The following PPP6R3 variants were observed in gnomAD, a reference collection of about 807,000 sequenced individuals.
The protein encoded by PPP6R3 is serine/threonine-protein phosphatase 6 regulatory subunit 3.
In PPP6R3, 38 loss-of-function variants were observed where a neutral mutation model predicts 110.7. The observed-to-expected ratio is 0.34, with a 90% CI of 0.26 to 0.45. The LOEUF (loss-of-function observed/expected upper bound fraction) is 0.45, where lower values mean the gene tolerates loss of function less well. PPP6R3 is among the 20% of genes least tolerant of loss of function. PPP6R3 has a pLI of 1.00. For synonymous variants in PPP6R3, 369 were observed against 373.5 expected (o/e 0.99, Z 0.14); for missense variants, 870 against 1,062.4 (o/e 0.82, Z 2.52).
intron 18 of PPP6R3, among the ~76,000 whole-genome samples, chr11:68,592,434 T>C (rs988073716): frequency 2.6e-5 from 4 of 152,234 alleles, no homozygotes; most frequent in Non-Finnish European, 5.9e-5. Flanking sequence ...AAAGTAAAAC[T>C]GTCTCATCCC....
chr11:68,536,612 C>A (rs2099272319), intron 2 of PPP6R3, among the ~76,000 whole-genome samples: 1 of 152,124 alleles, frequency 6.6e-6, no homozygotes, highest in South Asian at 2.1e-4. Context: ...GGATTACCAT[C>A]CTTTGCAGCC....
chr11:68,513,665 C>T (rs1458605831), intron 1 of PPP6R3, among the ~76,000 whole-genome samples: 1 of 152,214 alleles, frequency 6.6e-6, no homozygotes, highest in East Asian at 1.9e-4. Flanking sequence ...AAGACTTCTG[C>T]CCATTCACAC....
chr11:68,580,509 G>T (rs1370020617), intron 14 of PPP6R3, among the ~76,000 whole-genome samples: 1 of 151,998 alleles, frequency 6.6e-6, no homozygotes, highest in African/African-American at 2.4e-5. Flanking sequence ...AAGGGCGATG[G>T]GTCTGGAGAG....
At chr11:68,594,359 A>G (rs991014315) in intron 18 of PPP6R3, among the ~76,000 whole-genome samples, 7 of 150,090 alleles carry the variant, frequency 4.7e-5, no homozygotes, top group Admixed American at 2.6e-4. Flanking sequence ...AGAGAGAGAG[A>G]GAGTGAGTTA....
chr11:68,465,247 G>A (rs988603953), intron 1 of PPP6R3, among the ~76,000 whole-genome samples: 5 of 152,164 alleles, frequency 3.3e-5, no homozygotes, highest in Non-Finnish European at 5.9e-5. Flanking sequence ...CAGTTTACCA[G>A]TTCTGCCCAT....
chr11:68,606,702 A>G (rs539451773), intron 22 of PPP6R3, among the ~76,000 whole-genome samples: 43 of 152,334 alleles, frequency 2.8e-4, no homozygotes, highest in African/African-American at 8.4e-4. Flanking sequence ...GTTTAGATGC[A>G]TTCACTTTAA....
At chr11:68,606,167 T>C (rs1939646875) in intron 22 of PPP6R3, among the ~76,000 whole-genome samples, 1 of 152,214 alleles carries the variant, frequency 6.6e-6, no homozygotes. Flanking sequence ...TTAATCTCCA[T>C]ATATGGTGTT....
At chr11:68,474,573 A>C (rs2098815032) in intron 1 of PPP6R3, among the ~76,000 whole-genome samples, 1 of 152,150 alleles carries the variant, frequency 6.6e-6, no homozygotes, top group African/African-American at 2.4e-5. Context: ...AGATTATTCT[A>C]GTCCAATAAA....
At chr11:68,600,126 AAAT>A (rs1456750462) in intron 19 of PPP6R3, among the ~76,000 whole-genome samples, 6 of 151,950 alleles carry the variant, frequency 3.9e-5, no homozygotes, top group Non-Finnish European at 5.9e-5. Context: ...CATCTCAAAA[AAAT>A]AATAATAAAA....
chr11:68,543,216 G>A (rs2099328737), intron 3 of PPP6R3, among the ~76,000 whole-genome samples: 1 of 152,176 alleles, frequency 6.6e-6, no homozygotes, highest in African/African-American at 2.4e-5. Context: ...CAGCATGTAA[G>A]TGGTAGAGGC....
intron 1 of PPP6R3, among the ~76,000 whole-genome samples, chr11:68,497,484 C>A (rs189713287): frequency 1.3e-5 from 2 of 152,266 alleles, no homozygotes; most frequent in Non-Finnish European, 2.9e-5. Flanking sequence ...TCCTGAGTAG[C>A]TGGGACTACA....
At chr11:68,577,572 A>C (rs2099536744) in intron 14 of PPP6R3, among the ~76,000 whole-genome samples, 1 of 152,230 alleles carries the variant, frequency 6.6e-6, no homozygotes, top group Non-Finnish European at 1.5e-5. Flanking sequence ...TAGGTAACTC[A>C]AGCATATTTC....
chr11:68,530,914 C>T (rs2099235321), intron 2 of PPP6R3, among the ~76,000 whole-genome samples: 1 of 152,132 alleles, frequency 6.6e-6, no homozygotes, highest in South Asian at 2.1e-4. Flanking sequence ...ATCTTGTCAT[C>T]CCCACAGTTG....
chr11:68,564,450 A>T lies in PPP6R3; in HGVS notation c.975+18A>T, dbSNP rs768463951. ...CACCCAAGGTAGGGGAGCTATGTTAAGCATGGCTGCCCAGCGAGTAATTTG... is the reference window on the plus strand; with the variant it reads ...CACCCAAGGTAGGGGAGCTATGTTATGCATGGCTGCCCAGCGAGTAATTTG... On this transcript the variant is annotated intron_variant, in intron 9 of 23. Transcript: ENST00000393800. The T allele has an allele frequency of 1.9e-6, 3 of 1,613,146 alleles. No individual in the cohort carries two copies. In the African/African-American group the frequency reaches 4.0e-5, roughly 22 times the overall value.
Position 68,519,625 on chromosome 11 carries a change from T to C in PPP6R3, c.-33T>C, listed in dbSNP as rs942203416. ...GGAGCCACAAAGAAGAAAACATTTCTTTTAATTTTTAAACTTGGTTTGAAA... is the reference window on the plus strand; with the variant it reads ...GGAGCCACAAAGAAGAAAACATTTCCTTTAATTTTTAAACTTGGTTTGAAA... On this transcript the variant is annotated 5_prime_UTR_variant, in exon 2 of 24. Coordinates refer to ENST00000393800, the MANE Select transcript of PPP6R3 (RefSeq NM_001164161.2). The C allele has an allele frequency of 3.3e-5, 13 of 398,514 alleles. No individual in the cohort carries two copies. Among genetic ancestry groups the C allele is most frequent in the Admixed American group, 8.8e-5 (2 of 22,710 alleles). 24.7% of individuals were successfully genotyped at this position (398,514 alleles called of 1,614,324 possible).
chr11:68,499,231 T>G (rs1449547525), intron 1 of PPP6R3, among the ~76,000 whole-genome samples: 1 of 152,158 alleles, frequency 6.6e-6, no homozygotes, highest in Non-Finnish European at 1.5e-5. Context: ...AGTCAGAAAC[T>G]TGGGAGTGGC....
At chr11:68,571,829 A>G (rs1454878009) in intron 12 of PPP6R3, among the ~76,000 whole-genome samples, 1 of 152,160 alleles carries the variant, frequency 6.6e-6, no homozygotes, top group Admixed American at 6.5e-5. Flanking sequence ...TTAGGTGTAC[A>G]TTCCTAGGAA....
Position 68,596,186 on chromosome 11 carries a change from C to T in PPP6R3, c.2006C>T (p.Thr669Met), listed in dbSNP as rs577739382. Residue 669 changes from threonine (T) to methionine (M), a missense_variant, in exon 19 of 24, where the codon ACG becomes ATG. Physicochemically the swap from Thr to Met is moderately conservative, Grantham distance 81. Transcript: ENST00000393800. The part of the protein sequence containing the change: ...QDLFEPSSAN[T>M]EDKMEVDLSE... ...TTGTTTGAACCCAGCAGTGCCAACA[C>T]GGAGGATAAAATGGAGGTGGACCTG... 1.5e-5 allele frequency: 24 copies of T among 1,614,108 alleles called. No homozygotes were observed. Among genetic ancestry groups the T allele is most frequent in the African/African-American group, 4.0e-5 (3 of 75,012 alleles).
chr11:68,489,014 A>G (rs935709976), intron 1 of PPP6R3, among the ~76,000 whole-genome samples: 4 of 147,934 alleles, frequency 2.7e-5, no homozygotes, highest in Non-Finnish European at 4.5e-5. Context: ...GCTGTTTTCC[A>G]GGTTTTGCCT....
Sources: allele counts gnomAD v4.1 joint callset (sites outside exome capture counted in the v4.1 genomes callset), GRCh38; gene constraint gnomAD v4.1.1; transcripts MANE v1.5; gene names NCBI Gene and HGNC (gene_info 2026-07-23, HGNC 2026-07-21).